ERI1: variants seen among roughly 807,000 people sequenced by gnomAD.
The protein encoded by ERI1 is 3'-5' exoribonuclease 1.
ERI1 carries 39 observed loss-of-function variants against 39.7 expected under a neutral mutation model. The observed-to-expected ratio is 0.98, with a 90% CI of 0.76 to 1.28. ERI1 has a LOEUF of 1.28. ERI1 is among the 50% of genes most tolerant of loss of function. ERI1 has a pLI of 0.00. For synonymous variants in ERI1, 204 were observed against 149.6 expected (o/e 1.36, Z -2.65); for missense variants, 581 against 416.9 (o/e 1.39, Z -3.43).
chr8:9,068,315 G>C (rs1335205560), intron 3 of ERI1, among the ~76,000 whole-genome samples: 1 of 152,142 alleles, frequency 6.6e-6, no homozygotes, highest in Non-Finnish European at 1.5e-5. Context: ...TTCATAGTTT[G>C]CTTTTAGTAG....
chr8:9,012,172 C>T (rs531659011), intron 3 of ERI1, among the ~76,000 whole-genome samples: 1 of 152,266 alleles, frequency 6.6e-6, no homozygotes, highest in Non-Finnish European at 1.5e-5. Flanking sequence ...TTGATAACCA[C>T]CACTGTGGCC....
intron 3 of ERI1, among the ~76,000 whole-genome samples, chr8:9,050,873 A>C (rs142982760): frequency 3.9e-5 from 6 of 152,196 alleles, no homozygotes; most frequent in Middle Eastern, 3.4e-3. Flanking sequence ...AGAGATAATA[A>C]GGTGCAAAAG....
downstream of ERI1, among the ~76,000 whole-genome samples, chr8:9,037,010 C>T (rs1177140303): frequency 1.3e-5 from 2 of 152,268 alleles, no homozygotes; most frequent in Middle Eastern, 3.4e-3. Flanking sequence ...CTCACCCCAG[C>T]CTCTGTTATC....
chr8:9,076,440 A>C (rs1272836843), intron 3 of ERI1, among the ~76,000 whole-genome samples: 4 of 152,360 alleles, frequency 2.6e-5, no homozygotes, highest in Admixed American at 2.6e-4. Flanking sequence ...TGAAGGATTT[A>C]AATATGACCA....
intron 3 of ERI1, among the ~76,000 whole-genome samples, chr8:9,015,408 C>T (rs1817128699): frequency 6.6e-6 from 1 of 152,038 alleles, no homozygotes; most frequent in Non-Finnish European, 1.5e-5. Context: ...GTTAGGGAGG[C>T]ATTACTGGCT....
downstream of ERI1, among the ~76,000 whole-genome samples, chr8:9,038,227 C>G (rs1335626043): frequency 6.6e-6 from 1 of 152,162 alleles, no homozygotes; most frequent in Non-Finnish European, 1.5e-5. Context: ...ATTTTTGGTG[C>G]AGTTCTCCCA....
rs746927963 is a variant in ERI1 at position 9,016,396 on chromosome 8, A to G, written c.573A>G (p.Gly191=). Residue 191 remains glycine (G), a synonymous_variant, in exon 4 of 7, where the codon GGA becomes GGG. Transcript: ENST00000250263. ...CTGATTTCTGCATCAGTCTAACTGG[A>G]ATTACTCAGGTTATAATTCTAAGTT... ...QLSDFCISLT[G]ITQDQVDRAD... is the part of the protein sequence containing the mutation. The G allele has an allele frequency of 1.9e-6, 3 of 1,597,832 alleles. No individual in the cohort carries two copies. The highest frequency in any genetic ancestry group is 3.4e-5 in the Admixed American group (2 of 58,752).
At position 9,030,074 on chromosome 8, in the gene ERI1, A is replaced by T; in HGVS notation, c.*40A>T. The T allele has an allele frequency of 3.1e-6, 5 of 1,605,306 alleles. No individual in the cohort carries two copies. Among genetic ancestry groups the T allele is most frequent in the Non-Finnish European group, 4.3e-6 (5 of 1,173,160 alleles). On this transcript the variant is annotated 3_prime_UTR_variant, in exon 7 of 7. Coordinates refer to ENST00000250263, the MANE Select transcript of ERI1 (RefSeq NM_153332.4). ...GTGGATCATTCCAATTGAAGTTGCT[A>T]TGAAGAGGTAGCAGATGAATCTCAT...
rs918298226 is a variant in ERI1 at position 9,029,668 on chromosome 8, C to T, written c.808-124C>T. Reference sequence around the variant, plus strand: ...TTGCCTTATTTGAGTGGGGGTATTGCCCTTTGCCTAGCTTTATTTAGCTGT... The same window carrying T: ...TTGCCTTATTTGAGTGGGGGTATTGTCCTTTGCCTAGCTTTATTTAGCTGT... On this transcript the variant is annotated intron_variant, in intron 6 of 6. Transcript: ENST00000250263. 139 of 1,165,094 alleles carry T rather than the reference C, an allele frequency of 1.2e-4. 1 individual carries two copies. The highest frequency in any genetic ancestry group is 5.3e-5 in the Non-Finnish European group (44 of 823,642). The allele number at this position is 1,165,094 out of a possible 1,614,324, so 72.2% of individuals were successfully genotyped here. A position where few individuals can be genotyped will look rare whatever the true frequency, so the allele number is the denominator to read the frequency against.
At chr8:9,067,249 C>T (rs1422406327) in intron 3 of ERI1, among the ~76,000 whole-genome samples, 2 of 152,040 alleles carry the variant, frequency 1.3e-5, no homozygotes, top group Admixed American at 6.5e-5. Flanking sequence ...TATACACGTT[C>T]CTGTATCAGC....
At chr8:9,081,759 A>G (rs1351878168) in intron 3 of ERI1, among the ~76,000 whole-genome samples, 1 of 151,510 alleles carries the variant, frequency 6.6e-6, no homozygotes, top group Non-Finnish European at 1.5e-5. Context: ...ATAGGCAAGA[A>G]AGAAGGGGGA....
chr8:9,086,041 A>G (rs1335174160), intron 3 of ERI1, among the ~76,000 whole-genome samples: 1 of 152,160 alleles, frequency 6.6e-6, no homozygotes, highest in South Asian at 2.1e-4. Flanking sequence ...TTATCCTACT[A>G]TTAGGAAATA....
rs11380594 is a variant in ERI1 at position 9,097,666 on chromosome 8, C to CAA, written n.300-18665_300-18664dup. Among the ~76,000 whole-genome samples, 373 of 96,602 alleles carry CAA rather than the reference C, an allele frequency of 3.9e-3. 3 individuals are homozygous for CAA. The highest frequency in any genetic ancestry group is 6.2e-3 in the Middle Eastern group (1 of 162). 63.4% of individuals were successfully genotyped at this position (96,602 alleles called of 152,430 possible). ...CCTAGGTGACAGAATGACACTCTGT[C>CAA]AAAAAAAAAAAAAAAAAAGAGTAAT... On this transcript the variant is annotated intron_variant and non_coding_transcript_variant, in intron 3 of 3. Coordinates refer to the ERI1 transcript ENST00000518663.
chr8:9,027,831 C>G (rs571979107), intron 6 of ERI1, among the ~76,000 whole-genome samples: 1 of 152,306 alleles, frequency 6.6e-6, no homozygotes, highest in East Asian at 1.9e-4. Context: ...ATACCACTCT[C>G]TTTCAATTAC....
chr8:9,050,010 A>T (rs1254014055), intron 3 of ERI1, among the ~76,000 whole-genome samples: 1 of 152,066 alleles, frequency 6.6e-6, no homozygotes, highest in Non-Finnish European at 1.5e-5. Flanking sequence ...ATCATACAGG[A>T]TTACCCACTG....
chr8:9,004,635 A>G (rs1013600528), intron 1 of ERI1, among the ~76,000 whole-genome samples: 2 of 151,162 alleles, frequency 1.3e-5, no homozygotes, highest in African/African-American at 4.9e-5. Context: ...CTGCACTCCA[A>G]CCTGGGTGAC....
chr8:9,006,562 C>T (rs1238077446), intron 1 of ERI1, among the ~76,000 whole-genome samples: 1 of 152,102 alleles, frequency 6.6e-6, no homozygotes, highest in African/African-American at 2.4e-5. Flanking sequence ...GTTTCAAATT[C>T]AATGTAAATT....
chr8:9,032,827 GCC>G lies in ERI1; in HGVS notation c.*2794_*2795del, dbSNP rs1797684596. ...TGCATGTTTGGCCTCAGCTGTAGTTGCCAAAGAAACTACCTGCCTCACAGATG... is the reference window on the plus strand; with the variant it reads ...TGCATGTTTGGCCTCAGCTGTAGTTGAAAGAAACTACCTGCCTCACAGATG... On this transcript the variant is annotated 3_prime_UTR_variant, in exon 7 of 7. Coordinates refer to ENST00000250263, the MANE Select transcript of ERI1 (RefSeq NM_153332.4). 6.6e-6 allele frequency: 1 copy of G among 152,158 alleles called. No homozygotes were observed. The highest frequency in any genetic ancestry group is 1.5e-5 in the Non-Finnish European group (1 of 68,024). 9.4% of individuals were successfully genotyped at this position (152,158 alleles called of 1,614,324 possible). A position where few individuals can be genotyped will look rare whatever the true frequency, so the allele number is the denominator to read the frequency against.
intron 3 of ERI1, among the ~76,000 whole-genome samples, chr8:9,093,157 C>T (rs1310421704): frequency 6.6e-6 from 1 of 152,190 alleles, no homozygotes; most frequent in Admixed American, 6.5e-5. Context: ...GCAGGGGTGA[C>T]CAATCTTTTG....
Sources: gnomAD v4.1 joint callset for allele counts (sites outside exome capture counted in the v4.1 genomes callset) on GRCh38, gnomAD v4.1.1 for gene constraint, MANE v1.5 for transcripts, NCBI Gene and HGNC (gene_info 2026-07-23, HGNC 2026-07-21) for gene names.